The following MYRIP variants were observed in gnomAD, a reference collection of about 807,000 sequenced individuals.
The protein encoded by MYRIP is rab effector MyRIP.
MYRIP carries 49 observed loss-of-function variants against 98.0 expected under a neutral mutation model. The observed-to-expected ratio is 0.50, with a 90% CI of 0.40 to 0.63. The LOEUF is 0.63. Among genes scored for constraint, MYRIP ranks in the 30% least tolerant of loss-of-function variants. The pLI is 0.00. For missense variants in MYRIP, 1,004 were observed against 1,058.2 expected, an observed-to-expected ratio of 0.95 and a Z score of 0.71; for synonymous variants, 404 against 409.5, an observed-to-expected ratio of 0.99 and a Z score of 0.16.
chr3:40,112,839 C>A (rs1169949230), intron 3 of MYRIP, among the ~76,000 whole-genome samples: 1 of 152,226 alleles, frequency 6.6e-6, no homozygotes, highest in African/African-American at 2.4e-5. Flanking sequence ...AGGCTACTTT[C>A]ATGACTATTG....
At chr3:40,043,934 G>A in intron 2 of MYRIP, 116 bp from the exon 3 acceptor site, 2 of 808,462 alleles carry the variant, frequency 2.5e-6, no homozygotes, top group Non-Finnish European at 4.0e-6. Flanking sequence ...CTCCAGGAAG[G>A]TCCTACATGG....
chr3:40,030,194 A>T (rs981423979), intron 2 of MYRIP, among the ~76,000 whole-genome samples: 2 of 152,050 alleles, frequency 1.3e-5, no homozygotes, highest in African/African-American at 4.8e-5. Flanking sequence ...ATTTGAATAA[A>T]CTTTTCTCCA....
At chr3:40,051,539 G>A (rs377012636) in intron 3 of MYRIP, among the ~76,000 whole-genome samples, 1 of 152,050 alleles carries the variant, frequency 6.6e-6, no homozygotes, top group East Asian at 1.9e-4. Context: ...CAAAAAATTT[G>A]TGTGACTCAC....
rs1575686440 is a variant in MYRIP at position 40,253,810 on chromosome 3, T to C, written c.2547+1811T>C. ...TTCTACAACTAAGTGAGTAACATCC[T>C]ACCTGCTATATACCTCTTTAATATG... On this transcript the variant is annotated intron_variant, in intron 16 of 16. Coordinates refer to ENST00000302541, the MANE Select transcript of MYRIP (RefSeq NM_015460.4). Among the ~76,000 whole-genome samples the C allele has an allele frequency of 2.0e-5, 3 of 152,336 alleles. No individual in the cohort carries two copies. The South Asian group carries it at 6.2e-4, about 32-fold the overall frequency.
At chr3:39,900,960 A>G in intron 2 of MYRIP, 34 bp downstream of exon 2, 1 of 1,523,150 alleles carries the variant, frequency 6.6e-7, no homozygotes, top group Non-Finnish European at 9.1e-7. Flanking sequence ...AGCGTACAGC[A>G]AACCACATGT....
chr3:40,223,477 A>T (rs898555443), intron 11 of MYRIP, among the ~76,000 whole-genome samples: 5 of 152,208 alleles, frequency 3.3e-5, no homozygotes, highest in Non-Finnish European at 7.3e-5. Context: ...ACTAGGTCAA[A>T]AAAAGACAGC....
chr3:39,866,391 CA>C (rs1212555393), intron 1 of MYRIP, among the ~76,000 whole-genome samples: 2 of 152,010 alleles, frequency 1.3e-5, no homozygotes, highest in African/African-American at 4.8e-5. Flanking sequence ...AGTTGACATA[CA>C]AAAATCAGTT....
intron 2 of MYRIP, among the ~76,000 whole-genome samples, chr3:39,963,894 T>C (rs2125736109): frequency 6.6e-6 from 1 of 152,304 alleles, no homozygotes; most frequent in South Asian, 2.1e-4. Context: ...AGTTTACGTT[T>C]CAGATTGAGA....
chr3:39,947,572 C>T (rs1427212075), intron 2 of MYRIP, among the ~76,000 whole-genome samples: 1 of 152,132 alleles, frequency 6.6e-6, no homozygotes, highest in Non-Finnish European at 1.5e-5. Flanking sequence ...TTGTGGTCTA[C>T]AGACTAGCAG....
At chr3:39,946,721 T>C (rs1188449607) in intron 2 of MYRIP, among the ~76,000 whole-genome samples, 1 of 152,162 alleles carries the variant, frequency 6.6e-6, no homozygotes, top group Non-Finnish European at 1.5e-5. Context: ...AGGACACAGC[T>C]AAGCAACACC....
At chr3:40,084,996 C>A (rs1045610939) in intron 3 of MYRIP, among the ~76,000 whole-genome samples, 4 of 148,904 alleles carry the variant, frequency 2.7e-5, no homozygotes, top group Non-Finnish European at 4.5e-5. Flanking sequence ...TAATATATAT[C>A]TGTGTTATAT....
In MYRIP at chr3:39,989,789, C is replaced by CA. The variant is rs779218383; in HGVS notation, c.111-54259dup. Among the ~76,000 whole-genome samples, 4 of 152,370 alleles carry CA rather than the reference C, an allele frequency of 2.6e-5. No individual in the cohort carries two copies. The East Asian group carries it at 7.7e-4, about 29-fold the overall frequency. On this transcript the variant is annotated intron_variant, in intron 2 of 16. Transcript: ENST00000302541. ...CAGGCCTGAAGAGGCACTCTGTCCG[C>CA]AATCTGCCACAGCCATTGTGTTGGA... is the stretch of plus-strand genomic sequence containing the variant.
At position 40,247,519 on chromosome 3, in the gene MYRIP, G is replaced by A. The variant is rs565786194; in HGVS notation, c.2263-2703G>A. On this transcript the variant is annotated intron_variant, in intron 13 of 16. Coordinates refer to ENST00000302541, the MANE Select transcript of MYRIP (RefSeq NM_015460.4). ...TTAATCCAAATTTCGTGACCTCATA[G>A]CCCACACTCTTTTTCTTCTTTTGAG... Among the ~76,000 whole-genome samples the A allele has an allele frequency of 2.4e-4, 37 of 151,998 alleles. No individual in the cohort carries two copies. The South Asian group carries it at 7.1e-3, about 29-fold the overall frequency.
At chr3:40,256,603 TA>T in intron 16 of MYRIP, among the ~76,000 whole-genome samples, 1 of 152,112 alleles carries the variant, frequency 6.6e-6, no homozygotes, top group East Asian at 1.9e-4. Context: ...GTCAATTTTT[TA>T]TATATACAAT....
At chr3:40,115,552 C>T (rs1226746115) in intron 3 of MYRIP, among the ~76,000 whole-genome samples, 2 of 152,158 alleles carry the variant, frequency 1.3e-5, no homozygotes, top group Non-Finnish European at 1.5e-5. Flanking sequence ...CCTGCTCCCA[C>T]CTTTGACATG....
In MYRIP at chr3:40,248,333, G is replaced by A. The variant is rs1307874716; in HGVS notation, c.2263-1889G>A. On this transcript the variant is annotated intron_variant, in intron 13 of 16. Coordinates refer to ENST00000302541, the MANE Select transcript of MYRIP (RefSeq NM_015460.4). Reference sequence around the variant, plus strand: ...TGGAGAAAGCTTCTCTTAACTCCTAGTATCAGGAAAAGCTGTTCTTCTGAG... The same window carrying A: ...TGGAGAAAGCTTCTCTTAACTCCTAATATCAGGAAAAGCTGTTCTTCTGAG... The A allele has an allele frequency of 2.0e-5, 3 of 152,222 alleles. No homozygotes were observed. The East Asian group carries it at 5.8e-4, about 29-fold the overall frequency. 9.4% of individuals were successfully genotyped at this position (152,222 alleles called of 1,614,324 possible).
chr3:39,912,700 T>C (rs940444021), intron 2 of MYRIP, among the ~76,000 whole-genome samples: 1 of 152,214 alleles, frequency 6.6e-6, no homozygotes, highest in Admixed American at 6.5e-5. Flanking sequence ...CCTCATCATC[T>C]GGTAGTGCCA....
chr3:40,093,416 G>A (rs1036206272), intron 3 of MYRIP, among the ~76,000 whole-genome samples: 8 of 152,194 alleles, frequency 5.3e-5, no homozygotes, highest in African/African-American at 1.9e-4. Context: ...TGTTCCACAG[G>A]ACCGAACAGG....
intron 2 of MYRIP, among the ~76,000 whole-genome samples, chr3:39,913,431 A>ACAGTATATTG (rs1276494566): frequency 6.6e-6 from 1 of 152,160 alleles, no homozygotes; most frequent in East Asian, 1.9e-4. Context: ...ATCCACCTAA[A>ACAGTATATTG]CAGTATATTG....
Sources: allele counts gnomAD v4.1 joint callset (sites outside exome capture counted in the v4.1 genomes callset), GRCh38; gene constraint gnomAD v4.1.1; transcripts MANE v1.5; gene names NCBI Gene and HGNC (gene_info 2026-07-23, HGNC 2026-07-21).